Variants in UMAD1 observed in about 807,000 individuals in gnomAD.
The protein encoded by UMAD1 is UBAP1-MVB12-associated (UMA)-domain containing protein 1.
A neutral mutation model predicts 6.1 loss-of-function variants in UMAD1; 8 were observed. The observed-to-expected ratio is 1.30, with a 90% CI of 0.76 to 2.35. The LOEUF (loss-of-function observed/expected upper bound fraction) is 2.35. Among genes scored for constraint, UMAD1 ranks in the 30% most tolerant of loss-of-function variants. UMAD1 has a pLI of 0.00. For synonymous variants in UMAD1, 56 were observed against 31.4 expected, an observed-to-expected ratio of 1.78 and a Z score of -2.61; for missense variants, 130 against 78.4, an observed-to-expected ratio of 1.66 and a Z score of -2.49.
intron 2 of UMAD1, among the ~76,000 whole-genome samples, chr7:7,727,244 C>T (rs1441917220): frequency 1.3e-5 from 2 of 152,190 alleles, no homozygotes; most frequent in Non-Finnish European, 2.9e-5. Context: ...CATGTATACA[C>T]TGTGTTAAGA....
chr7:7,719,309 A>G (rs1235897527), intron 2 of UMAD1, among the ~76,000 whole-genome samples: 1 of 152,224 alleles, frequency 6.6e-6, no homozygotes, highest in Admixed American at 6.5e-5. Context: ...CTACAAATGG[A>G]AAGATTAAAC....
intron 1 of UMAD1, among the ~76,000 whole-genome samples, chr7:7,643,443 G>A (rs1392294307): frequency 6.6e-6 from 1 of 152,228 alleles, no homozygotes; most frequent in Non-Finnish European, 1.5e-5. Context: ...GGGCGCGGTG[G>A]CTCACGCCTG....
At chr7:7,692,743 G>C (rs1780202566) in intron 2 of UMAD1, among the ~76,000 whole-genome samples, 1 of 152,094 alleles carries the variant, frequency 6.6e-6, no homozygotes, top group African/African-American at 2.4e-5. Flanking sequence ...CCGAGTAGTT[G>C]GGACTACAGG....
chr7:7,732,004 T>A (rs1286875159), intron 2 of UMAD1, among the ~76,000 whole-genome samples: 1 of 152,080 alleles, frequency 6.6e-6, no homozygotes. Flanking sequence ...GTGAAAAATA[T>A]CTGAGATAAA....
In UMAD1 at chr7:7,691,334, G is replaced by A. The variant is rs558004431; in HGVS notation, c.82+17881G>A. Among the ~76,000 whole-genome samples the A allele has an allele frequency of 6.6e-5, 10 of 152,238 alleles. No individual in the cohort carries two copies. In the South Asian group the frequency reaches 2.1e-3, roughly 32 times the overall value. ...TTTTATAACTGTTCTTTAGATATTT[G>A]TAGTCGTCATCATTATTTTATATTC... On this transcript the variant is annotated intron_variant, in intron 2 of 3. Coordinates refer to ENST00000682710, the MANE Select transcript of UMAD1 (RefSeq NM_001302348.2).
chr7:7,767,128 C>CTTTTTTTTTTTTTTTTT lies in UMAD1; in HGVS notation c.83-34528_83-34527insTTTTTTTTTTTTTTTTT, dbSNP rs71014711. Among the ~76,000 whole-genome samples, 528 of 129,658 alleles carry CTTTTTTTTTTTTTTTTT rather than the reference C, an allele frequency of 4.1e-3. 15 individuals are homozygous for CTTTTTTTTTTTTTTTTT. The highest frequency in any genetic ancestry group is 5.8e-3 in the Non-Finnish European group (346 of 59,664). 85.1% of individuals were successfully genotyped at this position (129,658 alleles called of 152,430 possible). On this transcript the variant is annotated intron_variant, in intron 2 of 3. Transcript: ENST00000682710. ...AGTGAGCATTTCAAGAAATTAAGCT[C>CTTTTTTTTTTTTTTTTT]TTTTTTTTTTTTTTGAGACGGACTC...
At chr7:7,723,985 A>G (rs761357665) in intron 2 of UMAD1, among the ~76,000 whole-genome samples, 4 of 152,184 alleles carry the variant, frequency 2.6e-5, no homozygotes, top group South Asian at 2.1e-4. Context: ...AAACAGAATC[A>G]TGGCTCCTCA....
At chr7:7,778,845 C>T (rs926893856) in intron 2 of UMAD1, among the ~76,000 whole-genome samples, 1 of 152,178 alleles carries the variant, frequency 6.6e-6, no homozygotes, top group African/African-American at 2.4e-5. Context: ...GGTTTGAAGA[C>T]ATCTTAGAAA....
intron 1 of UMAD1, among the ~76,000 whole-genome samples, chr7:7,653,210 G>C (rs1785267194): frequency 6.6e-6 from 1 of 152,164 alleles, no homozygotes; most frequent in Admixed American, 6.5e-5. Context: ...GTACAGTAGT[G>C]TTATTTACAC....
intron 3 of UMAD1, among the ~76,000 whole-genome samples, chr7:7,811,659 C>T (rs952847364): frequency 2.0e-5 from 3 of 152,120 alleles, no homozygotes; most frequent in African/African-American, 7.2e-5. Flanking sequence ...CACAAAATGC[C>T]AACCTTTAAA....
chr7:7,859,852 AT>A (rs1784082520), intron 3 of UMAD1, among the ~76,000 whole-genome samples: 2 of 152,160 alleles, frequency 1.3e-5, no homozygotes, highest in African/African-American at 4.8e-5. Context: ...ATCTGAAAGC[AT>A]TTTTTCACTA....
intron 3 of UMAD1, chr7:7,868,362 A>G (rs1247365213): frequency 2.6e-5 from 4 of 152,168 alleles, no homozygotes; most frequent in Admixed American, 2.6e-4. Context: ...CCAGCTTCAG[A>G]CAAACCACTT....
At chr7:7,869,197 G>C (rs1430919696) in intron 3 of UMAD1, among the ~76,000 whole-genome samples, 1 of 151,928 alleles carries the variant, frequency 6.6e-6, no homozygotes, top group Non-Finnish European at 1.5e-5. Flanking sequence ...TCTGTCCCCT[G>C]ATGCTTCTAA....
At chr7:7,778,455 G>A (rs1267899252) in intron 2 of UMAD1, among the ~76,000 whole-genome samples, 1 of 150,750 alleles carries the variant, frequency 6.6e-6, no homozygotes, top group East Asian at 1.9e-4. Flanking sequence ...TTAAAGGCAG[G>A]TCTTGTCACC....
At chr7:7,854,924 C>T (rs140014313) in intron 3 of UMAD1, among the ~76,000 whole-genome samples, 92 of 152,324 alleles carry the variant, frequency 6.0e-4, no homozygotes, top group Admixed American at 1.3e-3. Flanking sequence ...ACTTGTCCCA[C>T]ATGGGAGAAA....
At chr7:7,755,126 T>C (rs1481702287) in intron 2 of UMAD1, among the ~76,000 whole-genome samples, 1 of 152,214 alleles carries the variant, frequency 6.6e-6, no homozygotes, top group East Asian at 1.9e-4. Flanking sequence ...TGCCTTGATC[T>C]GTTTTCTCAC....
At chr7:7,659,091 G>C (rs567532222) in intron 1 of UMAD1, among the ~76,000 whole-genome samples, 1 of 152,112 alleles carries the variant, frequency 6.6e-6, no homozygotes, top group Admixed American at 6.6e-5. Flanking sequence ...GTTTATTTGC[G>C]TAGCTTGTTT....
intron 1 of UMAD1, among the ~76,000 whole-genome samples, chr7:7,667,383 A>G (rs900821489): frequency 6.6e-6 from 1 of 152,234 alleles, no homozygotes; most frequent in African/African-American, 2.4e-5. Context: ...AAGGCCATGC[A>G]TATCAGAAGC....
Position 7,798,699 on chromosome 7 carries a change from C to G in UMAD1, c.83-2971C>G, listed in dbSNP as rs540512352. ...AGAGTCTAGTTTCCTCCCACCTTGG[C>G]CCTCATGCATTGGAACCGTTCACCA... is the stretch of plus-strand genomic sequence containing the variant. On this transcript the variant is annotated intron_variant, in intron 2 of 3. Transcript: ENST00000682710. Among the ~76,000 whole-genome samples, 3 of 152,282 alleles carry G rather than the reference C, an allele frequency of 2.0e-5. No individual in the cohort carries two copies. In the South Asian group the frequency reaches 6.2e-4, roughly 32 times the overall value.
Sources: allele counts gnomAD v4.1 joint callset (sites outside exome capture counted in the v4.1 genomes callset), GRCh38; gene constraint gnomAD v4.1.1; transcripts MANE v1.5; gene names NCBI Gene and HGNC (gene_info 2026-07-23, HGNC 2026-07-21).